Variants in AP3M1 observed in about 807,000 individuals in gnomAD.
The protein encoded by AP3M1 is AP-3 complex subunit mu-1.
Under a neutral mutation model 42.6 loss-of-function variants are expected in AP3M1, and 29 were observed. The observed-to-expected ratio is 0.68, with a 90% CI of 0.51 to 0.93. The LOEUF (loss-of-function observed/expected upper bound fraction) is 0.93, where lower values mean the gene tolerates loss of function less well. Ranked by LOEUF, AP3M1 falls within the 40% of genes least tolerant of loss-of-function variation. AP3M1 has a pLI of 0.00. For synonymous variants in AP3M1, 178 were observed against 175.3 expected (o/e 1.02, Z -0.12); for missense variants, 416 against 510.2 (o/e 0.82, Z 1.78).
intron 1 of AP3M1, chr10:74,138,961 T>A (rs1841038304): frequency 6.7e-6 from 1 of 149,674 alleles, no homozygotes; most frequent in African/African-American, 2.5e-5. Flanking sequence ...AAAAAAAAAT[T>A]TCCTTAACCT....
At chr10:74,147,135 A>C (rs1328980426) in intron 1 of AP3M1, among the ~76,000 whole-genome samples, 1 of 152,022 alleles carries the variant, frequency 6.6e-6, no homozygotes, top group Non-Finnish European at 1.5e-5. Context: ...ATACCAACAA[A>C]TTAGCTGGGT....
chr10:74,148,813 A>G (rs1223584358), intron 1 of AP3M1, among the ~76,000 whole-genome samples: 2 of 150,476 alleles, frequency 1.3e-5, no homozygotes, highest in African/African-American at 2.4e-5. Flanking sequence ...CGCCTCACCC[A>G]CCCAAAGTGC....
chr10:74,140,168 T>C (rs901105472), intron 1 of AP3M1, among the ~76,000 whole-genome samples: 1 of 152,086 alleles, frequency 6.6e-6, no homozygotes, highest in Non-Finnish European at 1.5e-5. Context: ...GTCCCCCGGG[T>C]GCCAGGGCCC....
At chr10:74,138,627 A>G (rs758505092) in intron 1 of AP3M1, among the ~76,000 whole-genome samples, 2 of 151,298 alleles carry the variant, frequency 1.3e-5, no homozygotes, top group Non-Finnish European at 2.9e-5. Flanking sequence ...AAAGCCATTT[A>G]AGAACAAAAA....
At chr10:74,150,083 C>T (rs1841501245) in intron 1 of AP3M1, among the ~76,000 whole-genome samples, 2 of 152,158 alleles carry the variant, frequency 1.3e-5, no homozygotes, top group South Asian at 4.1e-4. Flanking sequence ...TGGGTCTCAC[C>T]TTGAAAGTCT....
chr10:74,149,636 TCTC>T (rs1228362656), intron 1 of AP3M1, among the ~76,000 whole-genome samples: 1 of 152,090 alleles, frequency 6.6e-6, no homozygotes, highest in African/African-American at 2.4e-5. Flanking sequence ...TCACTTCACT[TCTC>T]CTATAGTGTC....
chr10:74,150,560 AG>A (rs1247422236), intron 1 of AP3M1, 194 bp downstream of exon 1: 1 of 152,816 alleles, frequency 6.5e-6, no homozygotes. Context: ...ACTGGGCTGC[AG>A]GTGGACCGCT....
chr10:74,135,354 T>C (rs1408901048), intron 3 of AP3M1, among the ~76,000 whole-genome samples: 1 of 152,224 alleles, frequency 6.6e-6, no homozygotes, highest in Non-Finnish European at 1.5e-5. Context: ...TCCTGAATTC[T>C]ACTGATTTTC....
Position 74,123,673 on chromosome 10 carries a change from G to T in AP3M1, c.*137C>A. On this transcript the variant is annotated 3_prime_UTR_variant, in exon 9 of 9. Transcript: ENST00000355264. Reference sequence around the variant, plus strand: ...TTAAGAATCCTACATTGATAACTAAGTAACTTTGTTAGCGGTGTGTAGCTA... The same window carrying T: ...TTAAGAATCCTACATTGATAACTAATTAACTTTGTTAGCGGTGTGTAGCTA... 1.4e-6 allele frequency: 1 copy of T among 691,344 alleles called. No homozygotes were observed. Among genetic ancestry groups the T allele is most frequent in the South Asian group, 1.8e-5 (1 of 54,750 alleles). 42.8% of individuals were successfully genotyped at this position (691,344 alleles called of 1,614,324 possible).
chr10:74,127,687 TAAAAC>T lies in AP3M1; in HGVS notation c.804-1337_804-1333del, dbSNP rs1840659205. ...AACAAACAAACAAAACAAAATAACATAAAACAAACAAACAAAAACAATTGGGGCAA... is the reference window on the plus strand; with the variant it reads ...AACAAACAAACAAAACAAAATAACATAAACAAACAAAAACAATTGGGGCAA... On this transcript the variant is annotated intron_variant, in intron 6 of 8. Coordinates refer to ENST00000355264, the MANE Select transcript of AP3M1 (RefSeq NM_012095.6). Among the ~76,000 whole-genome samples, 3 of 151,462 alleles carry T rather than the reference TAAAAC, an allele frequency of 2.0e-5. No individual in the cohort carries two copies. In the South Asian group the frequency reaches 6.3e-4, roughly 32 times the overall value.
Position 74,138,092 on chromosome 10 carries a change from TGATA to T in AP3M1, c.273+11_273+14del, listed in dbSNP as rs1034860133. ...TTGGGTCATTTAACTTAGAAAGGTA[TGATA>T]GATAACCAACCTGAAAAGTGTCAGC... On this transcript the variant is annotated intron_variant, in intron 2 of 8. Coordinates refer to ENST00000355264, the MANE Select transcript of AP3M1 (RefSeq NM_012095.6). 1.9e-6 allele frequency: 3 copies of T among 1,609,148 alleles called. No homozygotes were observed. The highest frequency in any genetic ancestry group is 1.7e-5 in the Admixed American group (1 of 59,414).
chr10:74,146,991 T>C (rs1263509831), intron 1 of AP3M1, among the ~76,000 whole-genome samples: 4 of 152,082 alleles, frequency 2.6e-5, no homozygotes, highest in African/African-American at 7.2e-5. Flanking sequence ...GCTACGAGAA[T>C]TGAAAATGTC....
rs1840865913 is a variant in AP3M1 at position 74,133,996 on chromosome 10, TCCCCAAATAAGATGA to T, written c.583+16_583+30del. 1 of 1,610,324 alleles carries T rather than the reference TCCCCAAATAAGATGA, an allele frequency of 6.2e-7. No homozygotes were observed. Among genetic ancestry groups the T allele is most frequent in the Non-Finnish European group, 8.5e-7 (1 of 1,177,282 alleles). Reference sequence around the variant, plus strand: ...TCATCTGTGTCAGATGAATTGTTTTTCCCCAAATAAGATGACATGCACACAATTACCTGATTTATC... The same window carrying T: ...TCATCTGTGTCAGATGAATTGTTTTTCATGCACACAATTACCTGATTTATC... On this transcript the variant is annotated intron_variant, in intron 4 of 8. Transcript: ENST00000355264.
At chr10:74,149,656 A>C (rs1008398440) in intron 1 of AP3M1, among the ~76,000 whole-genome samples, 5 of 152,282 alleles carry the variant, frequency 3.3e-5, no homozygotes, top group African/African-American at 1.2e-4. Flanking sequence ...TGTCAATTGA[A>C]AGTGTCCCTC....
intron 1 of AP3M1, among the ~76,000 whole-genome samples, chr10:74,142,612 G>C (rs962758447): frequency 3.3e-5 from 5 of 152,140 alleles, no homozygotes; most frequent in Non-Finnish European, 7.4e-5. Context: ...CCTCTGTTTA[G>C]CCAAGAAATC....
At position 74,132,934 on chromosome 10, in the gene AP3M1, T is replaced by G. The variant is rs368714954; in HGVS notation, c.583+1093A>C. Among the ~76,000 whole-genome samples the G allele has an allele frequency of 3.7e-4, 57 of 152,240 alleles. 2 individuals are homozygous for G. Among genetic ancestry groups the G allele is most frequent in the African/African-American group, 1.3e-3 (56 of 41,552 alleles). On this transcript the variant is annotated intron_variant, in intron 4 of 8. Coordinates refer to ENST00000355264, the MANE Select transcript of AP3M1 (RefSeq NM_012095.6). ...AGACCTCAACTAGTGGTTATGAAAA[T>G]TATATGTAACCTATGGGCAAAATAA...
At chr10:74,146,118 C>A (rs1020592263) in intron 1 of AP3M1, among the ~76,000 whole-genome samples, 1 of 152,090 alleles carries the variant, frequency 6.6e-6, no homozygotes, top group African/African-American at 2.4e-5. Context: ...TACGATGATA[C>A]AGGAAATATA....
rs147052324 is a variant in AP3M1 at position 74,143,880 on chromosome 10, T to C, written c.-3-5498A>G. Among the ~76,000 whole-genome samples the C allele has an allele frequency of 1.6e-3, 243 of 152,366 alleles. 1 individual carries two copies. Among genetic ancestry groups the C allele is most frequent in the African/African-American group, 5.6e-3 (231 of 41,584 alleles). On this transcript the variant is annotated intron_variant, in intron 1 of 8. Transcript: ENST00000355264. ...GAAATGTCCTTTATCTGTGCTAATA[T>C]GGTAGCCACTACACCCATGGCTATT...
At chr10:74,143,406 T>C (rs925517076) in intron 1 of AP3M1, among the ~76,000 whole-genome samples, 1 of 152,162 alleles carries the variant, frequency 6.6e-6, no homozygotes, top group African/African-American at 2.4e-5. Flanking sequence ...TGCACCACCA[T>C]GCCCAGCTAG....
Sources: gnomAD v4.1 joint callset for allele counts (sites outside exome capture counted in the v4.1 genomes callset) on GRCh38, gnomAD v4.1.1 for gene constraint, MANE v1.5 for transcripts, NCBI Gene and HGNC (gene_info 2026-07-23, HGNC 2026-07-21) for gene names.